Variants in INCENP observed in about 807,000 individuals in gnomAD.
INCENP encodes inner centromere protein, also known as binds and activates aurora-B and -C in vivo and in vitro.
A neutral mutation model predicts 107.3 loss-of-function variants in INCENP; 43 were observed. That is an observed-to-expected ratio of 0.40 (90% CI 0.31 to 0.52). INCENP has a LOEUF of 0.52. INCENP is among the 20% of genes least tolerant of loss of function. The pLI, the probability that INCENP is intolerant of heterozygous loss-of-function variation, is 0.53. For missense variants in INCENP, 1,089 were observed against 1,250.9 expected (o/e 0.87, Z 1.95); for synonymous variants, 488 against 494.4 (o/e 0.99, Z 0.17).
At chr11:62,131,196 G>A (rs1943886553) in intron 4 of INCENP, among the ~76,000 whole-genome samples, 1 of 152,212 alleles carries the variant, frequency 6.6e-6, no homozygotes, top group Non-Finnish European at 1.5e-5. Flanking sequence ...GCCGGCCTGG[G>A]TCTGAGTGCC....
rs145887063 is a variant in INCENP at position 62,130,288 on chromosome 11, C to T, written c.761C>T (p.Ala254Val). 22 of 1,611,998 alleles carry T rather than the reference C, an allele frequency of 1.4e-5. No homozygotes were observed. Among genetic ancestry groups the T allele is most frequent in the African/African-American group, 1.1e-4 (8 of 74,936 alleles). Residue 254 changes from alanine to valine, a missense_variant, in exon 4 of 19, where the codon GCG becomes GTG. Coordinates refer to ENST00000394818, the MANE Select transcript of INCENP (RefSeq NM_001040694.2). The stretch of plus-strand genomic sequence containing the variant: ...CAAGGGGTCGGGACGGGGCGGTCTG[C>T]GTCTAAGCTCAGGATTGCGCAGGTC... ...KGQGVGTGRS[A>V]SKLRIAQVSP...
intron 11 of INCENP, among the ~76,000 whole-genome samples, chr11:62,144,480 T>C (rs1311357932): frequency 6.6e-6 from 1 of 152,126 alleles, no homozygotes; most frequent in Non-Finnish European, 1.5e-5. Context: ...TATTATGAAA[T>C]AGTTGATATA....
intron 3 of INCENP, 86 bp downstream of exon 3, chr11:62,128,969 A>G: frequency 1.1e-6 from 1 of 909,806 alleles, no homozygotes; most frequent in Non-Finnish European, 1.8e-6. Context: ...GAAGGTGTTG[A>G]TTTGGAAGTA....
intron 4 of INCENP, among the ~76,000 whole-genome samples, chr11:62,134,718 C>T (rs967842776): frequency 2.0e-5 from 3 of 152,270 alleles, no homozygotes; most frequent in South Asian, 2.1e-4. Flanking sequence ...CCACATTCTG[C>T]GTTTGATCTG....
chr11:62,134,781 G>A (rs546847970), intron 4 of INCENP, among the ~76,000 whole-genome samples: 1 of 152,322 alleles, frequency 6.6e-6, no homozygotes, highest in Admixed American at 6.5e-5. Flanking sequence ...GACGGGCGAG[G>A]TGGCTCACAC....
chr11:62,141,383 C>G, intron 10 of INCENP, 117 bp from the exon 11 acceptor site: 2 of 1,337,892 alleles, frequency 1.5e-6, no homozygotes, highest in Non-Finnish European at 2.1e-6. Flanking sequence ...GGGGGTGCTG[C>G]TGGCAGGAGG....
rs887913323 is a variant in INCENP at position 62,124,024 on chromosome 11, G to A, written c.-151G>A. 2.0e-5 allele frequency: 3 copies of A among 152,250 alleles called. No homozygotes were observed. Among genetic ancestry groups the A allele is most frequent in the Non-Finnish European group, 2.9e-5 (2 of 68,068 alleles). The allele number at this position is 152,250 out of a possible 1,614,324, so 9.4% of individuals were successfully genotyped here. On this transcript the variant is annotated 5_prime_UTR_variant, in exon 1 of 19. Transcript: ENST00000394818. The stretch of plus-strand genomic sequence containing the variant: ...GTTTTGAAAATCATAGTTTTCGCCC[G>A]CGCTGCGCCGCCTGGTTGCTCCTCC...
At position 62,151,779 on chromosome 11, in the gene INCENP, G is replaced by A; in HGVS notation, c.2560G>A (p.Ala854Thr). ...TWARGTPLSQ[A>T]IIHQYYHPPN... ...TCCTGCAGGCACCCCGCTCAGCCAG[G>A]CTATCATTCACCAGTACTACCACCC... The change falls in exon 19 of 19, where the codon GCT becomes ACT. Residue 854 changes from alanine (A) to threonine (T), a missense_variant. Transcript: ENST00000394818. 6.2e-7 allele frequency: 1 copy of A among 1,614,074 alleles called. No individual in the cohort carries two copies. The highest frequency in any genetic ancestry group is 8.5e-7 in the Non-Finnish European group (1 of 1,180,020).
chr11:62,151,208 C>T (rs1424284464), intron 18 of INCENP, among the ~76,000 whole-genome samples: 1 of 152,188 alleles, frequency 6.6e-6, no homozygotes, highest in Non-Finnish European at 1.5e-5. Flanking sequence ...AGAGCCGCAC[C>T]TGGTGCTGAG....
intron 18 of INCENP, 27 bp from the exon 19 acceptor site, chr11:62,151,735 C>G: frequency 1.3e-6 from 2 of 1,595,626 alleles, no homozygotes; most frequent in Non-Finnish European, 1.7e-6. Context: ...AGCCCCAAGG[C>G]AGTGTCTGGT....
chr11:62,130,194 T>C lies in INCENP; in HGVS notation c.667T>C (p.Ser223Pro), dbSNP rs748451881. Residue 223 changes from serine to proline, a missense_variant, in exon 4 of 19, where the codon TCG (serine) becomes CCG (proline). By Grantham distance (74) the Ser-to-Pro change is moderately conservative. Transcript: ENST00000394818. ...AGATGAGGAATCAACACCTAAGAAGTCGAAGGCCAGGATACTGGAGTCCAT... is the reference window on the plus strand; with the variant it reads ...AGATGAGGAATCAACACCTAAGAAGCCGAAGGCCAGGATACTGGAGTCCAT... ...TSDEESTPKK[S>P]KARILESITV... is the part of the protein sequence containing the mutation. 1.1e-5 allele frequency: 17 copies of C among 1,613,628 alleles called. No individual in the cohort carries two copies. The East Asian group carries it at 3.6e-4, about 34-fold the overall frequency.
At chr11:62,137,734 T>C in intron 4 of INCENP, 98 bp from the exon 5 acceptor site, 2 of 1,025,000 alleles carry the variant, frequency 2.0e-6, no homozygotes, top group East Asian at 2.4e-5. Context: ...ATGGGAGCAG[T>C]GGCCAGGCCC....
At chr11:62,138,792 G>T (rs1944046605) in intron 6 of INCENP, 22 bp downstream of exon 6, 1 of 1,613,422 alleles carries the variant, frequency 6.2e-7, no homozygotes, top group Admixed American at 1.7e-5. Flanking sequence ...GCCTGGGGAA[G>T]GGAGGACTCA....
chr11:62,146,775 C>T lies in INCENP; in HGVS notation c.2077C>T (p.Arg693Trp), dbSNP rs200360964. 4.5e-4 allele frequency: 688 copies of T among 1,539,828 alleles called. 1 individual carries two copies. Among genetic ancestry groups the T allele is most frequent in the African/African-American group, 9.7e-4 (70 of 72,500 alleles). The change falls in exon 15 of 19, where the codon CGG (arginine) becomes TGG (tryptophan). Residue 693 changes from arginine (R) to tryptophan (W), a missense_variant. Physicochemically the swap from Arg to Trp is moderately radical, Grantham distance 101. Coordinates refer to ENST00000394818, the MANE Select transcript of INCENP (RefSeq NM_001040694.2). The part of the protein sequence containing the change: ...RLAEQREQER[R>W]EQERREQERR... ...GGCAGAGCAGCGGGAGCAGGAGCGG[C>T]GGGAGCAGGAGCGGCGCGAGCAGGA...
At chr11:62,124,602 T>TG in intron 1 of INCENP, among the ~76,000 whole-genome samples, 1 of 152,346 alleles carries the variant, frequency 6.6e-6, no homozygotes, top group Non-Finnish European at 1.5e-5. Context: ...GGCCGCCCCT[T>TG]GTCACTCCCC....
At chr11:62,128,983 G>C in intron 3 of INCENP, 100 bp downstream of exon 3, 1 of 801,752 alleles carries the variant, frequency 1.2e-6, no homozygotes, top group South Asian at 1.5e-5. Flanking sequence ...GGAAGTAGCA[G>C]CCTGTAGGAG....
At chr11:62,145,560 A>G (rs1358913508) in intron 13 of INCENP, 69 bp from the exon 14 acceptor site, 4 of 1,516,874 alleles carry the variant, frequency 2.6e-6, no homozygotes, top group East Asian at 2.4e-5. Flanking sequence ...TGTCACACAC[A>G]GTTCTGGGCT....
chr11:62,149,949 T>G, intron 17 of INCENP, 108 bp from the exon 18 acceptor site: 28 of 1,077,070 alleles, frequency 2.6e-5, no homozygotes, highest in Non-Finnish European at 3.4e-5. Context: ...TCCTGCACCT[T>G]TTGTTTCTCC....
At chr11:62,142,715 T>C (rs1461194961) in intron 11 of INCENP, among the ~76,000 whole-genome samples, 1 of 152,240 alleles carries the variant, frequency 6.6e-6, no homozygotes, top group African/African-American at 2.4e-5. Context: ...GTTCCAATGT[T>C]AGTCCCGATT....
Sources: allele counts gnomAD v4.1 joint callset (sites outside exome capture counted in the v4.1 genomes callset), GRCh38; gene constraint gnomAD v4.1.1; transcripts MANE v1.5; gene names NCBI Gene and HGNC (gene_info 2026-07-23, HGNC 2026-07-21).